KIF4A: variants seen among roughly 807,000 people sequenced by gnomAD.
The protein encoded by KIF4A is kinesin family member 4A.
KIF4A carries 7 observed loss-of-function variants against 105.9 expected under a neutral mutation model. The ratio of observed to expected loss-of-function variants is 0.07; its 90% confidence interval spans 0.04 to 0.12. The LOEUF (loss-of-function observed/expected upper bound fraction) is 0.12, where lower values mean the gene tolerates loss of function less well. Ranked by LOEUF, KIF4A falls within the 10% of genes least tolerant of loss-of-function variation. The pLI is 1.00. For missense variants in KIF4A, 558 were observed against 929.2 expected, an observed-to-expected ratio of 0.60 and a Z score of 5.19; for synonymous variants, 281 against 331.3, an observed-to-expected ratio of 0.85 and a Z score of 1.65.
intron 10 of KIF4A, among the ~76,000 whole-genome samples, chrX:70,338,401 C>T (rs1472116278): frequency 8.9e-6 from 1 of 112,208 alleles, no homozygotes; most frequent in Non-Finnish European, 1.9e-5. Context: ...TACATGGAAT[C>T]ATAGAGGATG....
At chrX:70,378,457 G>A (rs755851615) in intron 18 of KIF4A, among the ~76,000 whole-genome samples, 160 of 111,989 alleles carry the variant, frequency 1.4e-3, no homozygotes, top group Non-Finnish European at 2.1e-3. Context: ...GGCTGGGCGC[G>A]GTGGCTCAAG....
At chrX:70,317,331 T>C (rs1190457800) in intron 7 of KIF4A, among the ~76,000 whole-genome samples, 1 of 111,668 alleles carries the variant, frequency 9.0e-6, no homozygotes, top group East Asian at 2.8e-4. Flanking sequence ...TTTCACTTCT[T>C]TGGTGAGACA....
In KIF4A at chrX:70,340,484, ATT is replaced by A. The variant is rs2085968224; in HGVS notation, c.1134-1314_1134-1313del. ...AAAAAACTATCGAGTTAAAAGTATCATTACTTTGAAGCTTGTCAGCTTACATG... is the reference window on the plus strand; with the variant it reads ...AAAAAACTATCGAGTTAAAAGTATCAACTTTGAAGCTTGTCAGCTTACATG... On this transcript the variant is annotated intron_variant, in intron 10 of 30. Coordinates refer to ENST00000374403, the MANE Select transcript of KIF4A (RefSeq NM_012310.5). Among the ~76,000 whole-genome samples, 3 of 112,472 alleles carry A rather than the reference ATT, an allele frequency of 2.7e-5. No individual in the cohort carries two copies. In the South Asian group the frequency reaches 1.1e-3, roughly 41 times the overall value.
intron 15 of KIF4A, among the ~76,000 whole-genome samples, chrX:70,371,752 T>C (rs2086135989): frequency 9.3e-6 from 1 of 107,515 alleles, no homozygotes; most frequent in Admixed American, 9.7e-5. Context: ...GCGGAGACGC[T>C]CCTCACTTCC....
At position 70,374,119 on chromosome X, in the gene KIF4A, TCTTCTTTCTCTTTGACCTATAAC is replaced by T. The variant is rs754495871; in HGVS notation, c.1675-28_1675-6del. 4.4e-6 allele frequency: 4 copies of T among 900,534 alleles called. No individual in the cohort carries two copies. In the South Asian group the frequency reaches 9.3e-5, roughly 21 times the overall value. The allele number at this position is 900,534 out of a possible 1,213,427, so 74.2% of individuals were successfully genotyped here. A position where few individuals can be genotyped will look rare whatever the true frequency, so the allele number is the denominator to read the frequency against. On this transcript the variant is annotated splice_polypyrimidine_tract_variant and intron_variant, in intron 15 of 30. Coordinates refer to ENST00000374403, the MANE Select transcript of KIF4A (RefSeq NM_012310.5). ...ATTTTTCTTCCTGTGCCATATAATG[TCTTCTTTCTCTTTGACCTATAAC>T]CTTTCTAGGATAACATAAAAGAGCT...
chrX:70,311,681 T>G (rs924580447), intron 7 of KIF4A, among the ~76,000 whole-genome samples: 2 of 111,448 alleles, frequency 1.8e-5, no homozygotes, highest in African/African-American at 6.5e-5. Flanking sequence ...ATCACCTAGG[T>G]CAGGTTCAGT....
At chrX:70,368,905 A>G (rs1474012132) in intron 15 of KIF4A, among the ~76,000 whole-genome samples, 1 of 111,536 alleles carries the variant, frequency 9.0e-6, no homozygotes, top group Non-Finnish European at 1.9e-5. Context: ...ACCCAGTTCG[A>G]GCTTCCCAGC....
At chrX:70,349,630 G>A (rs1271984370) in intron 13 of KIF4A, among the ~76,000 whole-genome samples, 2 of 96,889 alleles carry the variant, frequency 2.1e-5, no homozygotes, top group Middle Eastern at 6.5e-3. Flanking sequence ...CCGGGCAGAG[G>A]CGCTCCTCAC....
rs2085982145 is a variant in KIF4A at position 70,344,000 on chromosome X, A to G, written c.1431+18A>G. The G allele has an allele frequency of 2.9e-6, 3 of 1,047,206 alleles. No individual in the cohort carries two copies. The South Asian group carries it at 5.8e-5, about 20-fold the overall frequency. 86.3% of individuals were successfully genotyped at this position (1,047,206 alleles called of 1,213,427 possible). ...AGTTATCGGTAAGCCAAGTAGGGGC[A>G]GTGTAAATAGGCATATCACTTTCAT... On this transcript the variant is annotated intron_variant, in intron 13 of 30. Transcript: ENST00000374403.
chrX:70,408,953 C>T (rs2086310653), intron 28 of KIF4A, among the ~76,000 whole-genome samples: 1 of 112,048 alleles, frequency 8.9e-6, no homozygotes, highest in Non-Finnish European at 1.9e-5. Flanking sequence ...ACAACCTCCT[C>T]CTCCCGGGTT....
In KIF4A at chrX:70,392,837, TATA is replaced by T. The variant is rs1230666849; in HGVS notation, c.2233-2813_2233-2811del. On this transcript the variant is annotated intron_variant, in intron 20 of 30. Transcript: ENST00000374403. Reference sequence around the variant, plus strand: ...AATTCATTAATTTCCACTCTGATCTTATAATAATAATAATAATAATAATTATTA... The same window carrying T: ...AATTCATTAATTTCCACTCTGATCTTATAATAATAATAATAATAATTATTA... 3.1e-4 allele frequency among the ~76,000 whole-genome samples: 32 copies of T among 104,593 alleles called. No homozygotes were observed. In the South Asian group the frequency reaches 3.8e-3, roughly 12 times the overall value. 90.8% of individuals were successfully genotyped at this position (104,593 alleles called of 115,157 possible).
rs890773245 is a variant in KIF4A at position 70,399,643 on chromosome X, T to C, written c.2490-2923T>C. ...TGCAAGATAGACTGATGAATTTTAA[T>C]ATGAGAGAATATAAAAAAGTTTATG... On this transcript the variant is annotated intron_variant, in intron 22 of 30. Transcript: ENST00000374403. 5.5e-5 allele frequency among the ~76,000 whole-genome samples: 6 copies of C among 108,533 alleles called. No homozygotes were observed. In the East Asian group the frequency reaches 1.8e-3, roughly 32 times the overall value. 94.2% of individuals were successfully genotyped at this position (108,533 alleles called of 115,157 possible). A position where few individuals can be genotyped will look rare whatever the true frequency, so the allele number is the denominator to read the frequency against.
At chrX:70,369,190 C>T (rs779725340) in intron 15 of KIF4A, among the ~76,000 whole-genome samples, 28 of 112,409 alleles carry the variant, frequency 2.5e-4, no homozygotes, top group African/African-American at 6.1e-4. Context: ...TGACCCCTTC[C>T]GCTTCCTGGG....
intron 3 of KIF4A, among the ~76,000 whole-genome samples, chrX:70,291,598 T>C (rs1448075194): frequency 8.9e-6 from 1 of 111,842 alleles, no homozygotes; most frequent in Non-Finnish European, 1.9e-5. Flanking sequence ...GTCTAATTAT[T>C]ATTCTAATAC....
intron 7 of KIF4A, among the ~76,000 whole-genome samples, chrX:70,310,034 CTCTT>C (rs2085842755): frequency 8.9e-6 from 1 of 112,387 alleles, no homozygotes; most frequent in Non-Finnish European, 1.9e-5. Flanking sequence ...CAGAGTGAGA[CTCTT>C]TCTCAAAAGC....
chrX:70,341,247 G>A (rs919707267), intron 10 of KIF4A, among the ~76,000 whole-genome samples: 2 of 111,580 alleles, frequency 1.8e-5, no homozygotes, highest in Non-Finnish European at 3.8e-5. Flanking sequence ...CTGAGTGGCC[G>A]CTGGTCATCA....
At chrX:70,312,264 CCT>C (rs2085853691) in intron 7 of KIF4A, among the ~76,000 whole-genome samples, 1 of 108,327 alleles carries the variant, frequency 9.2e-6, no homozygotes, top group South Asian at 4.1e-4. Flanking sequence ...CCTGCCTCAG[CCT>C]CCCAAGTAGC....
At chrX:70,353,592 T>A in intron 14 of KIF4A, 30 bp from the exon 15 acceptor site, 1 of 1,178,271 alleles carries the variant, frequency 8.5e-7, no homozygotes, top group Non-Finnish European at 1.1e-6. Context: ...CTTGTTTCTC[T>A]TATAAATCAT....
Position 70,378,328 on chromosome X carries a change from T to A in KIF4A, c.2034+2118T>A, listed in dbSNP as rs762538076. 2.7e-5 allele frequency among the ~76,000 whole-genome samples: 3 copies of A among 110,292 alleles called. No individual in the cohort carries two copies. In the South Asian group the frequency reaches 1.2e-3, roughly 42 times the overall value. ...AGACTGCATCTCAGTTTTTTTTAAT[T>A]GAAGAAAGATCTTAAACCAATAACC... On this transcript the variant is annotated intron_variant, in intron 18 of 30. Coordinates refer to ENST00000374403, the MANE Select transcript of KIF4A (RefSeq NM_012310.5).
Sources: allele counts gnomAD v4.1 joint callset (sites outside exome capture counted in the v4.1 genomes callset), GRCh38; gene constraint gnomAD v4.1.1; transcripts MANE v1.5; gene names NCBI Gene and HGNC (gene_info 2026-07-23, HGNC 2026-07-21).